KHDRBS2: variants seen among roughly 807,000 people sequenced by gnomAD.
KHDRBS2 encodes the protein KH domain-containing, RNA-binding, signal transduction-associated protein 2.
A neutral mutation model predicts 44.3 loss-of-function variants in KHDRBS2; 26 were observed. That is an observed-to-expected ratio of 0.59 (90% CI 0.43 to 0.81). The LOEUF is 0.81. KHDRBS2 is among the 40% of genes least tolerant of loss of function. KHDRBS2 has a pLI of 0.00. For missense variants in KHDRBS2, 476 were observed against 433.1 expected (o/e 1.10, Z -0.88); for synonymous variants, 194 against 151.1 (o/e 1.28, Z -2.08).
intron 1 of KHDRBS2, 89 bp downstream of exon 1, chr6:62,285,769 G>A (rs1256914119): frequency 1.3e-5 from 11 of 816,546 alleles, no homozygotes; most frequent in Admixed American, 4.4e-5. Context: ...GCGGGGAGAG[G>A]AGTCCCTCCC....
intron 2 of KHDRBS2, among the ~76,000 whole-genome samples, chr6:62,096,324 G>A (rs1385535902): frequency 6.6e-6 from 1 of 151,850 alleles, no homozygotes; most frequent in Admixed American, 6.6e-5. Flanking sequence ...TAAAAGTTTG[G>A]TAGCATTCAG....
At chr6:61,636,605 C>G in the KHDRBS2 span, among the ~76,000 whole-genome samples, 5 of 152,084 alleles carry the variant, frequency 3.3e-5, no homozygotes, top group Non-Finnish European at 7.4e-5. Flanking sequence ...GTTGTCACAA[C>G]TGGGCAGATG....
In KHDRBS2 at chr6:62,169,134, CACACATATATGTGTGTAT is replaced by C. The variant is rs1296759598; in HGVS notation, c.219+8033_219+8050del. ...ATATATGTGTGTATATATACATATACACACATATATGTGTGTATATATACGTACACATATATGTATATA... is the reference window on the plus strand; with the variant it reads ...ATATATGTGTGTATATATACATATACATATACGTACACATATATGTATATA... On this transcript the variant is annotated intron_variant, in intron 2 of 8. Coordinates refer to ENST00000281156, the MANE Select transcript of KHDRBS2 (RefSeq NM_152688.4). Among the ~76,000 whole-genome samples the C allele has an allele frequency of 4.1e-3, 480 of 117,466 alleles. 4 individuals are homozygous for C. The highest frequency in any genetic ancestry group is 0.014 in the Middle Eastern group (3 of 208). 77.1% of individuals were successfully genotyped at this position (117,466 alleles called of 152,430 possible).
At chr6:61,722,508 A>G (rs1214086745) in intron 7 of KHDRBS2, among the ~76,000 whole-genome samples, 1 of 152,090 alleles carries the variant, frequency 6.6e-6, no homozygotes, top group African/African-American at 2.4e-5. Flanking sequence ...CACAAATTCT[A>G]TGTTCACTTA....
At chr6:62,179,915 C>T (rs148180705) in intron 1 of KHDRBS2, among the ~76,000 whole-genome samples, 1 of 151,830 alleles carries the variant, frequency 6.6e-6, no homozygotes, top group East Asian at 1.9e-4. Flanking sequence ...TCTTCTTTGG[C>T]ATATCTCCAT....
chr6:61,597,067 T>TA, the KHDRBS2 span, among the ~76,000 whole-genome samples: 1 of 152,176 alleles, frequency 6.6e-6, no homozygotes, highest in African/African-American at 2.4e-5. Context: ...ACGGCATAGG[T>TA]AAAGGCCTAG....
At chr6:61,954,590 A>G (rs114920835) in intron 4 of KHDRBS2, among the ~76,000 whole-genome samples, 22,263 of 126,660 alleles carry the variant, frequency 0.18, 2,690 homozygotes, top group Admixed American at 0.25. Context: ...ATATTTATGT[A>G]TATATACACA....
chr6:61,553,474 T>A, the KHDRBS2 span, among the ~76,000 whole-genome samples: 1 of 152,184 alleles, frequency 6.6e-6, no homozygotes, highest in Admixed American at 6.5e-5. Flanking sequence ...TCATTCATCA[T>A]TTGCATGAGT....
chr6:62,059,559 C>T (rs901276030), intron 2 of KHDRBS2, among the ~76,000 whole-genome samples: 9 of 151,428 alleles, frequency 5.9e-5, no homozygotes, highest in African/African-American at 2.2e-4. Flanking sequence ...AAATTCTAAT[C>T]ACAGATAATT....
intron 3 of KHDRBS2, among the ~76,000 whole-genome samples, chr6:61,984,990 G>T (rs529271758): frequency 2.0e-5 from 3 of 152,208 alleles, no homozygotes; most frequent in Non-Finnish European, 2.9e-5. Flanking sequence ...GACTATTGTG[G>T]TGCTCATAAA....
chr6:61,656,081 C>T, the KHDRBS2 span, among the ~76,000 whole-genome samples: 1 of 152,158 alleles, frequency 6.6e-6, no homozygotes, highest in South Asian at 2.1e-4. Flanking sequence ...CTTTCATTTA[C>T]ATAGTGCTTT....
intron 8 of KHDRBS2, among the ~76,000 whole-genome samples, chr6:61,696,629 A>C (rs1767944408): frequency 1.3e-5 from 2 of 152,128 alleles, no homozygotes; most frequent in Non-Finnish European, 2.9e-5. Flanking sequence ...ATAGAAATTC[A>C]ATAGATCTTA....
At chr6:61,868,612 C>T (rs1798128804) in intron 6 of KHDRBS2, among the ~76,000 whole-genome samples, 1 of 152,172 alleles carries the variant, frequency 6.6e-6, no homozygotes, top group African/African-American at 2.4e-5. Context: ...AGCAGCTGCA[C>T]TTTGCTGGGG....
intron 2 of KHDRBS2, among the ~76,000 whole-genome samples, chr6:62,143,691 A>AT (rs1407191494): frequency 3.8e-5 from 2 of 53,004 alleles, no homozygotes; most frequent in African/African-American, 3.6e-4. Context: ...GTCTCAGATT[A>AT]TTATTTTTTT....
At chr6:61,676,560 G>T (rs755046601), downstream of KHDRBS2, among the ~76,000 whole-genome samples, 2 of 151,884 alleles carry the variant, frequency 1.3e-5, no homozygotes, top group Non-Finnish European at 2.9e-5. Context: ...ACTGGTCTAT[G>T]TTGAAGCTAC....
At chr6:61,605,323 C>T in the KHDRBS2 span, among the ~76,000 whole-genome samples, 21 of 152,280 alleles carry the variant, frequency 1.4e-4, no homozygotes, top group South Asian at 4.4e-3. Flanking sequence ...CTTGTTTACA[C>T]TGCTGGATTA....
At chr6:62,079,607 A>G (rs1247694953) in intron 2 of KHDRBS2, among the ~76,000 whole-genome samples, 1 of 152,096 alleles carries the variant, frequency 6.6e-6, no homozygotes, top group Non-Finnish European at 1.5e-5. Flanking sequence ...ACAAAGCAAA[A>G]TTGAAAATTT....
chr6:61,582,230 G>T, the KHDRBS2 span, among the ~76,000 whole-genome samples: 1 of 151,022 alleles, frequency 6.6e-6, no homozygotes, highest in African/African-American at 2.4e-5. Context: ...ATAAATAGAG[G>T]AAAATAAGAA....
chr6:61,994,699 C>T (rs1279985382), intron 3 of KHDRBS2, among the ~76,000 whole-genome samples: 2 of 151,954 alleles, frequency 1.3e-5, no homozygotes, highest in Non-Finnish European at 2.9e-5. Flanking sequence ...TATTCATGGG[C>T]TTATATACTC....
Sources: gnomAD v4.1 joint callset for allele counts (sites outside exome capture counted in the v4.1 genomes callset) on GRCh38, gnomAD v4.1.1 for gene constraint, MANE v1.5 for transcripts, NCBI Gene and HGNC (gene_info 2026-07-23, HGNC 2026-07-21) for gene names.